Variants in S100Z observed in about 807,000 individuals in gnomAD.
S100Z encodes S100 calcium binding protein Z.
Under a neutral mutation model 8.5 loss-of-function variants are expected in S100Z, and 11 were observed. The ratio of observed to expected loss-of-function variants is 1.30; its 90% CI spans 0.82 to 2.15. The LOEUF (loss-of-function observed/expected upper bound fraction) is 2.15. Among genes scored for constraint, S100Z ranks in the 30% most tolerant of loss-of-function variants. The pLI, the probability that S100Z is intolerant of heterozygous loss-of-function variation, is 0.00. For missense variants in S100Z, 126 were observed against 117.9 expected (o/e 1.07, Z -0.32); for synonymous variants, 34 against 43.8 (o/e 0.78, Z 0.89).
intron 4 of S100Z, among the ~76,000 whole-genome samples, chr5:76,902,645 T>G (rs188865291): frequency 0.04 from 5,994 of 151,624 alleles, 315 homozygotes; most frequent in African/African-American, 0.12. Flanking sequence ...TTGTTTTTTT[T>G]TTGTTGTTGT....
intron 4 of S100Z, among the ~76,000 whole-genome samples, chr5:76,880,776 G>A (rs898213938): frequency 2.4e-4 from 36 of 152,240 alleles, no homozygotes; most frequent in African/African-American, 8.7e-4. Context: ...GTTTTTTTAT[G>A]TTGTCATATA....
In S100Z at chr5:76,921,108, C is replaced by T. The variant is rs911900505; in HGVS notation, c.*394C>T. Reference sequence around the variant, plus strand: ...CAGATATAATCACTGTTAACTTCTTCATTCGAATTTTCCCTAGGTCCATGT... The same window carrying T: ...CAGATATAATCACTGTTAACTTCTTTATTCGAATTTTCCCTAGGTCCATGT... On this transcript the variant is annotated 3_prime_UTR_variant, in exon 5 of 5. Coordinates refer to ENST00000317593, the MANE Select transcript of S100Z (RefSeq NM_130772.4). The T allele has an allele frequency of 1.3e-5, 2 of 152,190 alleles. No individual in the cohort carries two copies. The highest frequency in any genetic ancestry group is 2.4e-5 in the African/African-American group (1 of 41,448). 9.4% of individuals were successfully genotyped at this position (152,190 alleles called of 1,614,324 possible).
At chr5:76,896,639 A>G (rs1744046854) in intron 4 of S100Z, among the ~76,000 whole-genome samples, 1 of 152,176 alleles carries the variant, frequency 6.6e-6, no homozygotes, top group South Asian at 2.1e-4. Context: ...TAGTTGTATT[A>G]GTTTACATCC....
intron 4 of S100Z, among the ~76,000 whole-genome samples, chr5:76,909,340 C>T (rs189892503): frequency 1.6e-4 from 25 of 152,254 alleles, no homozygotes; most frequent in South Asian, 6.2e-4. Context: ...TTCCACACTA[C>T]GGCCTGGCCC....
chr5:76,914,524 G>A (rs1438575270), intron 4 of S100Z, among the ~76,000 whole-genome samples: 3 of 152,036 alleles, frequency 2.0e-5, no homozygotes, highest in East Asian at 1.9e-4. Flanking sequence ...TCCATGCTGT[G>A]GAAGCTTTGT....
chr5:76,918,005 A>C (rs1438536442), intron 4 of S100Z, among the ~76,000 whole-genome samples: 1 of 152,258 alleles, frequency 6.6e-6, no homozygotes, highest in Non-Finnish European at 1.5e-5. Context: ...TGTAGTCTTT[A>C]GGGTATCTAT....
At chr5:76,865,239 T>C (rs1423729808) in intron 1 of S100Z, among the ~76,000 whole-genome samples, 1 of 123,470 alleles carries the variant, frequency 8.1e-6, no homozygotes, top group African/African-American at 3.2e-5. Context: ...GTGTCCTAGC[T>C]CTTTTTTTTT....
At chr5:76,862,537 G>T (rs535887284) in intron 1 of S100Z, among the ~76,000 whole-genome samples, 1 of 152,134 alleles carries the variant, frequency 6.6e-6, no homozygotes, top group East Asian at 1.9e-4. Context: ...GGTGGCTCAC[G>T]CCTGTAATCC....
chr5:76,902,831 A>G (rs1744282124), intron 4 of S100Z, among the ~76,000 whole-genome samples: 2 of 152,138 alleles, frequency 1.3e-5, no homozygotes. Context: ...TGCAAACTAT[A>G]TACGTTACCT....
chr5:76,877,939 A>G (rs564491063), intron 4 of S100Z, 105 bp downstream of exon 4: 164 of 669,378 alleles, frequency 2.5e-4, no homozygotes, highest in Non-Finnish European at 4.0e-4. Context: ...ATTTATAGCT[A>G]TAATATCCAG....
the S100Z span, among the ~76,000 whole-genome samples, chr5:76,931,143 C>T: frequency 2.6e-5 from 4 of 151,144 alleles, no homozygotes; most frequent in Non-Finnish European, 5.9e-5. Flanking sequence ...CTCACTCGGT[C>T]GTCGAGGGTT....
At chr5:76,912,091 G>GCTGT (rs60399549) in intron 4 of S100Z, among the ~76,000 whole-genome samples, 105,003 of 151,532 alleles carry the variant, frequency 0.69, 37,260 homozygotes, top group African/African-American at 0.85. Context: ...TGCGGCGTTG[G>GCTGT]CTTAGTGTCA....
chr5:76,891,051 G>A (rs11741709), intron 4 of S100Z, among the ~76,000 whole-genome samples: 8,651 of 152,062 alleles, frequency 0.057, 357 homozygotes, highest in Non-Finnish European at 0.087. Flanking sequence ...TAGTAGAGAT[G>A]GGGCTTTACC....
intron 4 of S100Z, among the ~76,000 whole-genome samples, chr5:76,897,228 G>A (rs574766505): frequency 3.9e-5 from 6 of 151,970 alleles, no homozygotes; most frequent in Non-Finnish European, 5.9e-5. Context: ...TGAGGTGGGC[G>A]GATCATGAGG....
Position 76,850,015 on chromosome 5 carries a change from C to A in S100Z, c.-316C>A, listed in dbSNP as rs911178361. 7.2e-5 allele frequency: 11 copies of A among 152,214 alleles called. No homozygotes were observed. Among genetic ancestry groups the A allele is most frequent in the African/African-American group, 2.7e-4 (11 of 41,448 alleles). 9.4% of individuals were successfully genotyped at this position (152,214 alleles called of 1,614,324 possible). On this transcript the variant is annotated 5_prime_UTR_variant, in exon 1 of 5. Coordinates refer to ENST00000317593, the MANE Select transcript of S100Z (RefSeq NM_130772.4). ...TGCAGTGTGGTGAGTCTGGACCACG[C>A]AGACTCAGAACAGCACTACTCACAG...
chr5:76,866,313 G>C (rs1207616063), intron 1 of S100Z, among the ~76,000 whole-genome samples: 1 of 152,000 alleles, frequency 6.6e-6, no homozygotes, highest in Non-Finnish European at 1.5e-5. Flanking sequence ...TCGAAATTCT[G>C]GGCTCAAATG....
chr5:76,850,687 T>C (rs1750703898), intron 1 of S100Z, among the ~76,000 whole-genome samples: 1 of 152,146 alleles, frequency 6.6e-6, no homozygotes, highest in African/African-American at 2.4e-5. Flanking sequence ...GTGCTGGGCA[T>C]GCCTGGACAA....
chr5:76,907,001 TATATATATATATATATATATATAC>T lies in S100Z; in HGVS notation c.*3-13704_*3-13681del, dbSNP rs1406047530. On this transcript the variant is annotated intron_variant, in intron 4 of 4. Transcript: ENST00000317593. ...GTATATATATATATATATATATATA[TATATATATATATATATATATATAC>T]ATATATATATACCAAATTTTCTTTA... is the stretch of plus-strand genomic sequence containing the variant. 2.2e-3 allele frequency among the ~76,000 whole-genome samples: 35 copies of T among 16,274 alleles called. 1 individual carries two copies. The highest frequency in any genetic ancestry group is 8.0e-3 in the African/African-American group (32 of 4,014). The allele number at this position is 16,274 out of a possible 152,430, so 10.7% of individuals were successfully genotyped here.
intron 1 of S100Z, among the ~76,000 whole-genome samples, chr5:76,865,159 T>C (rs9293698): frequency 0.68 from 103,417 of 151,492 alleles, 36,515 homozygotes; most frequent in African/African-American, 0.88. Context: ...TCCAGTGGGA[T>C]GAGATGTAGA....
Sources: gnomAD v4.1 joint callset for allele counts (sites outside exome capture counted in the v4.1 genomes callset) on GRCh38, gnomAD v4.1.1 for gene constraint, MANE v1.5 for transcripts, NCBI Gene and HGNC (gene_info 2026-07-23, HGNC 2026-07-21) for gene names.